The following RFTN2 variants were observed in gnomAD, a reference collection of about 807,000 sequenced individuals.
RFTN2 encodes the protein raftlin family member 2, also known as raftlin-2.
RFTN2 carries 34 observed loss-of-function variants against 52.7 expected under a neutral mutation model. The ratio of observed to expected loss-of-function variants is 0.64; its 90% confidence interval spans 0.49 to 0.86. RFTN2 has a LOEUF of 0.86. Among genes scored for constraint, RFTN2 ranks in the 40% least tolerant of loss-of-function variants. The pLI, the probability that RFTN2 is intolerant of heterozygous loss-of-function variation, is 0.00. For missense variants in RFTN2, 536 were observed against 600.1 expected (o/e 0.89, Z 1.12); for synonymous variants, 203 against 217.7 (o/e 0.93, Z 0.59).
intron 3 of RFTN2, among the ~76,000 whole-genome samples, chr2:197,640,321 C>T (rs1330614974): frequency 4.6e-5 from 7 of 152,260 alleles, no homozygotes; most frequent in Middle Eastern, 3.4e-3. Flanking sequence ...ATGGCGGGCG[C>T]CCCTCCCCCA....
rs199497834 is a variant in RFTN2, at chr2:197,647,876, AAG to A, written c.140-1212_140-1211del. 7.4e-3 allele frequency among the ~76,000 whole-genome samples: 1,131 copies of A among 152,062 alleles called. 11 individuals carry two copies. Among genetic ancestry groups the A allele is most frequent in the South Asian group, 0.02 (98 of 4,832 alleles). On this transcript the variant is annotated intron_variant, in intron 1 of 8. Transcript: ENST00000295049. ...ACAGACTTTAGAGTAGTAAAAGGAA[AAG>A]AGTGTGTTATTTGAGAAAATGTTCT...
chr2:197,608,202 G>A (rs1360178235), intron 7 of RFTN2, among the ~76,000 whole-genome samples: 2 of 152,136 alleles, frequency 1.3e-5, no homozygotes, highest in African/African-American at 4.8e-5. Context: ...TGAGGCTGTT[G>A]GGCCTGTTCT....
Position 197,618,021 on chromosome 2 carries a change from A to T in RFTN2, c.929-100T>A, listed in dbSNP as rs566814915. On this transcript the variant is annotated intron_variant, in intron 5 of 8. Transcript: ENST00000295049. ...AACTCATATAGGAAACTGAAGGAAA[A>T]ACATTTCAATTAAAAAACATTTGTT... 1.2e-4 allele frequency: 114 copies of T among 973,762 alleles called. No individual in the cohort carries two copies. In the South Asian group the frequency reaches 2.3e-3, roughly 20 times the overall value. The allele number at this position is 973,762 out of a possible 1,614,324, so 60.3% of individuals were successfully genotyped here.
chr2:197,623,675 T>C (rs187637226), intron 5 of RFTN2, among the ~76,000 whole-genome samples: 2 of 152,218 alleles, frequency 1.3e-5, no homozygotes, highest in East Asian at 3.9e-4. Context: ...TATTTATTTA[T>C]TTATTTTTGA....
At chr2:197,581,481 A>G (rs374641535) in intron 8 of RFTN2, among the ~76,000 whole-genome samples, 3 of 152,326 alleles carry the variant, frequency 2.0e-5, no homozygotes, top group African/African-American at 7.2e-5. Context: ...GCCTTCAGGG[A>G]CAGCCCTCAT....
At chr2:197,585,064 G>C (rs966555046) in intron 8 of RFTN2, among the ~76,000 whole-genome samples, 2 of 152,174 alleles carry the variant, frequency 1.3e-5, no homozygotes, top group Non-Finnish European at 2.9e-5. Context: ...GAATAAGGCT[G>C]TGTCCGTTGG....
chr2:197,655,621 C>G lies in RFTN2; in HGVS notation c.140-8955G>C, dbSNP rs1032485675. 5.8e-4 allele frequency among the ~76,000 whole-genome samples: 88 copies of G among 152,068 alleles called. 3 individuals are homozygous for G. The highest frequency in any genetic ancestry group is 1.8e-4 in the Non-Finnish European group (12 of 68,006). ...CAGGCAGATCACGAGGTCAAGAGAT[C>G]GAGACCATCCTGGCCAACATGGTGA... On this transcript the variant is annotated intron_variant, in intron 1 of 8. Transcript: ENST00000295049.
At chr2:197,668,664 T>G (rs1161857083) in intron 1 of RFTN2, among the ~76,000 whole-genome samples, 1 of 152,112 alleles carries the variant, frequency 6.6e-6, no homozygotes, top group Admixed American at 6.5e-5. Context: ...CAGTCTGCAT[T>G]TCTCTTGTGG....
intron 8 of RFTN2, among the ~76,000 whole-genome samples, chr2:197,590,250 A>G (rs2087681422): frequency 6.6e-6 from 1 of 152,010 alleles, no homozygotes; most frequent in Non-Finnish European, 1.5e-5. Context: ...ATTTTCTCCT[A>G]TGTTTTTTCC....
chr2:197,634,696 T>A (rs1339972734), intron 3 of RFTN2, among the ~76,000 whole-genome samples: 3 of 142,646 alleles, frequency 2.1e-5, no homozygotes, highest in Admixed American at 6.8e-5. Flanking sequence ...TTTTTTATTT[T>A]TTATTTTTTT....
At chr2:197,662,592 T>C (rs988728046) in intron 1 of RFTN2, among the ~76,000 whole-genome samples, 1 of 152,148 alleles carries the variant, frequency 6.6e-6, no homozygotes. Flanking sequence ...TCTGACTCTT[T>C]TGTGGTTCCA....
intron 5 of RFTN2, among the ~76,000 whole-genome samples, chr2:197,619,834 G>A (rs952110282): frequency 6.8e-6 from 1 of 147,832 alleles, no homozygotes; most frequent in African/African-American, 2.5e-5. Context: ...CCTCCTCTTG[G>A]AAAGTTTTTC....
intron 2 of RFTN2, among the ~76,000 whole-genome samples, chr2:197,646,268 A>C (rs1175236578): frequency 6.6e-6 from 1 of 152,182 alleles, no homozygotes; most frequent in African/African-American, 2.4e-5. Flanking sequence ...CACTTAGGAC[A>C]CATTTGTCTG....
Position 197,572,181 on chromosome 2 carries a change from G to T in RFTN2, c.1333C>A (p.His445Asn), listed in dbSNP as rs754444317. 6 of 1,614,146 alleles carry T rather than the reference G, an allele frequency of 3.7e-6. No homozygotes were observed. The African/African-American group carries it at 8.0e-5, about 22-fold the overall frequency. ...GAAAGGCGGCACTCCTCAGGCAGGT[G>T]TCTGCTCTCTGCAGGTTGTGACGAG... is the stretch of plus-strand genomic sequence containing the variant. Reference protein sequence around the residue: ...TTSSQPAESRHLPEECRLSPS... With the variant: ...TTSSQPAESRNLPEECRLSPS... Residue 445 changes from histidine (H) to asparagine (N), a missense_variant, in exon 9 of 9, where the codon CAC becomes AAC. His to Asn is a moderately conservative substitution (Grantham distance 68, BLOSUM62 1). Coordinates refer to ENST00000295049, the MANE Select transcript of RFTN2 (RefSeq NM_144629.3).
chr2:197,636,113 C>A (rs1332869446), intron 3 of RFTN2, among the ~76,000 whole-genome samples: 1 of 151,900 alleles, frequency 6.6e-6, no homozygotes, highest in East Asian at 1.9e-4. Context: ...TGTTTTGGTA[C>A]CAGTACCATG....
At chr2:197,584,601 G>A (rs1036211626) in intron 8 of RFTN2, among the ~76,000 whole-genome samples, 8 of 152,156 alleles carry the variant, frequency 5.3e-5, no homozygotes, top group African/African-American at 1.9e-4. Context: ...CTGTGCAGAA[G>A]CTCTTTAGTT....
chr2:197,614,084 A>T (rs1184390761), intron 7 of RFTN2, among the ~76,000 whole-genome samples: 1 of 152,172 alleles, frequency 6.6e-6, no homozygotes, highest in African/African-American at 2.4e-5. Flanking sequence ...TTGATTAGTT[A>T]CTGTATTATA....
intron 8 of RFTN2, among the ~76,000 whole-genome samples, chr2:197,589,976 G>C (rs575792103): frequency 6.6e-6 from 1 of 152,030 alleles, no homozygotes. Context: ...GCGCGATCAT[G>C]GCTCACAATA....
At chr2:197,608,055 T>A (rs1313553306) in intron 7 of RFTN2, among the ~76,000 whole-genome samples, 3 of 152,206 alleles carry the variant, frequency 2.0e-5, no homozygotes, top group Non-Finnish European at 2.9e-5. Flanking sequence ...GAGAACTGCA[T>A]TAGAATGGGC....
Sources: gnomAD v4.1 joint callset for allele counts (sites outside exome capture counted in the v4.1 genomes callset) on GRCh38, gnomAD v4.1.1 for gene constraint, MANE v1.5 for transcripts, NCBI Gene and HGNC (gene_info 2026-07-23, HGNC 2026-07-21) for gene names.